The following RPTOR variants were observed in gnomAD, a reference collection of about 807,000 sequenced individuals.
RPTOR encodes the protein regulatory associated protein of MTOR complex 1.
Under a neutral mutation model 169.9 loss-of-function variants are expected in RPTOR, and 21 were observed. That is an observed-to-expected ratio of 0.12 (90% confidence interval 0.09 to 0.18). RPTOR has a LOEUF of 0.18. Among genes scored for constraint, RPTOR ranks in the 10% least tolerant of loss-of-function variants. The probability of loss-of-function intolerance (pLI) is 1.00; values close to 1 mark genes in which losing one functional copy is unlikely to be tolerated. For missense variants in RPTOR, 1,133 were observed against 1,855.9 expected (o/e 0.61, Z 7.16); for synonymous variants, 732 against 753.2 (o/e 0.97, Z 0.46).
At chr17:80,945,328 C>T (rs982981263) in intron 25 of RPTOR, among the ~76,000 whole-genome samples, 1 of 151,098 alleles carries the variant, frequency 6.6e-6, no homozygotes, top group South Asian at 2.1e-4. Context: ...CGCGGTGGCT[C>T]ACGCCTGTAA....
At chr17:80,842,871 G>A (rs532306699) in intron 10 of RPTOR, among the ~76,000 whole-genome samples, 164 of 152,280 alleles carry the variant, frequency 1.1e-3, no homozygotes, top group African/African-American at 3.6e-3. Flanking sequence ...ACTGAGGACC[G>A]TGTCCGCGTG....
intron 3 of RPTOR, among the ~76,000 whole-genome samples, chr17:80,705,785 C>T (rs1479008707): frequency 6.6e-6 from 1 of 152,164 alleles, no homozygotes; most frequent in Admixed American, 6.5e-5. Context: ...GTCCTTCCAC[C>T]GTGGCCTCCG....
Position 80,631,204 on chromosome 17 carries a change from G to A in RPTOR, c.265+5411G>A, listed in dbSNP as rs559826556. ...GTCTGTACCTCCTCCCACTCCCCAG[G>A]TACAGGAATGTGTGCCTGTTCTTGT... On this transcript the variant is annotated intron_variant, in intron 2 of 33. Coordinates refer to ENST00000306801, the MANE Select transcript of RPTOR (RefSeq NM_020761.3). 2.0e-5 allele frequency among the ~76,000 whole-genome samples: 3 copies of A among 152,196 alleles called. No individual in the cohort carries two copies. The South Asian group carries it at 6.2e-4, about 32-fold the overall frequency.
chr17:80,819,212 G>T (rs2067354756), intron 7 of RPTOR, among the ~76,000 whole-genome samples: 1 of 152,182 alleles, frequency 6.6e-6, no homozygotes, highest in African/African-American at 2.4e-5. Context: ...AGGAGCCAGG[G>T]TTTTGGCAGT....
chr17:80,684,602 A>G (rs1256005915), intron 3 of RPTOR, among the ~76,000 whole-genome samples: 2 of 151,088 alleles, frequency 1.3e-5, no homozygotes, highest in African/African-American at 2.4e-5. Flanking sequence ...CCACCACCAC[A>G]CCCGGCTAAT....
chr17:80,900,222 G>A lies in RPTOR; in HGVS notation c.2401+6357G>A, dbSNP rs563075324. 6.6e-5 allele frequency among the ~76,000 whole-genome samples: 10 copies of A among 152,098 alleles called. No homozygotes were observed. The East Asian group carries it at 1.5e-3, about 24-fold the overall frequency. ...GGGCATCTGTGGCCGTCTCCTCCCCGCCTCGCAGCCACCTGAGCCAGCAGC... is the reference window on the plus strand; with the variant it reads ...GGGCATCTGTGGCCGTCTCCTCCCCACCTCGCAGCCACCTGAGCCAGCAGC... On this transcript the variant is annotated intron_variant, in intron 20 of 33. Transcript: ENST00000306801.
chr17:80,893,327 C>T (rs548686393), intron 19 of RPTOR, among the ~76,000 whole-genome samples: 8 of 124,878 alleles, frequency 6.4e-5, no homozygotes, highest in African/African-American at 1.4e-4. Context: ...TGTGTGCGCG[C>T]GCCAGGTGTG....
chr17:80,656,341 T>TACAG (rs796289595), intron 3 of RPTOR, among the ~76,000 whole-genome samples: 18 of 152,340 alleles, frequency 1.2e-4, no homozygotes, highest in African/African-American at 4.3e-4. Context: ...GTGCTGGGAT[T>TACAG]ACAGGTGTGA....
chr17:80,615,603 C>G (rs924702929), intron 1 of RPTOR, among the ~76,000 whole-genome samples: 1 of 152,116 alleles, frequency 6.6e-6, no homozygotes, highest in African/African-American at 2.4e-5. Context: ...TCACCCATGC[C>G]TTTCATCTCT....
chr17:80,649,225 G>T (rs933069027), intron 3 of RPTOR, among the ~76,000 whole-genome samples: 1 of 152,192 alleles, frequency 6.6e-6, no homozygotes, highest in Non-Finnish European at 1.5e-5. Flanking sequence ...TCATGGAACA[G>T]CCCAAGGTGG....
intron 7 of RPTOR, among the ~76,000 whole-genome samples, chr17:80,819,023 C>T (rs1237585155): frequency 2.0e-5 from 3 of 152,150 alleles, no homozygotes; most frequent in Non-Finnish European, 2.9e-5. Context: ...CGTGGGCTCA[C>T]GTTAGGGATG....
intron 9 of RPTOR, among the ~76,000 whole-genome samples, chr17:80,826,301 C>T (rs2067442381): frequency 6.6e-6 from 1 of 152,234 alleles, no homozygotes; most frequent in Non-Finnish European, 1.5e-5. Context: ...AAGCGCAGTG[C>T]AGAGGAGCTC....
intron 4 of RPTOR, among the ~76,000 whole-genome samples, chr17:80,716,443 GT>G (rs2066240282): frequency 6.6e-6 from 1 of 151,994 alleles, no homozygotes; most frequent in Non-Finnish European, 1.5e-5. Flanking sequence ...ATTTGTTTGA[GT>G]TTGTTGTAGA....
At chr17:80,942,299 A>G (rs1409652036) in intron 25 of RPTOR, among the ~76,000 whole-genome samples, 1 of 151,384 alleles carries the variant, frequency 6.6e-6, no homozygotes, top group African/African-American at 2.4e-5. Context: ...ACATCTGAAG[A>G]TGAGCTGGCC....
Position 80,708,005 on chromosome 17 carries a change from T to A in RPTOR, c.507+6T>A. On this transcript the variant is annotated splice_donor_region_variant and intron_variant, in intron 4 of 33. Coordinates refer to ENST00000306801, the MANE Select transcript of RPTOR (RefSeq NM_020761.3). This position sits in a 1 kb window ranked among gnomAD's most constrained non-coding sequence, Gnocchi z 4.2. Reference sequence around the variant, plus strand: ...AGGTCTGGGTCTTCAACAAGGTGGGTGTGCCTTCCAGCTTCCTTCCCGTTT... The same window carrying A: ...AGGTCTGGGTCTTCAACAAGGTGGGAGTGCCTTCCAGCTTCCTTCCCGTTT... 6.2e-7 allele frequency: 1 copy of A among 1,610,064 alleles called. No individual in the cohort carries two copies. The highest frequency in any genetic ancestry group is 8.5e-7 in the Non-Finnish European group (1 of 1,178,182).
chr17:80,714,619 A>G (rs563371350), intron 4 of RPTOR, among the ~76,000 whole-genome samples: 1 of 152,370 alleles, frequency 6.6e-6, no homozygotes, highest in South Asian at 2.1e-4. Flanking sequence ...AGATAATGAA[A>G]CTATGACACC....
intron 1 of RPTOR, among the ~76,000 whole-genome samples, chr17:80,596,985 G>C (rs1276588698): frequency 6.6e-6 from 1 of 152,218 alleles, no homozygotes; most frequent in Non-Finnish European, 1.5e-5. Flanking sequence ...AGCAGGTGTT[G>C]ATTGTGTGCT....
chr17:80,635,983 A>C (rs780117211), intron 2 of RPTOR, among the ~76,000 whole-genome samples: 1 of 152,108 alleles, frequency 6.6e-6, no homozygotes, highest in Admixed American at 6.5e-5. Flanking sequence ...ACTTACAAAC[A>C]TGTTACCGTT....
intron 19 of RPTOR, among the ~76,000 whole-genome samples, chr17:80,893,237 G>A (rs552641838): frequency 4.6e-5 from 7 of 151,624 alleles, no homozygotes; most frequent in South Asian, 2.1e-4. Flanking sequence ...TGTGTGCGCC[G>A]GGGCGTGTGT....
Sources: gnomAD v4.1 joint callset for allele counts (sites outside exome capture counted in the v4.1 genomes callset) on GRCh38, gnomAD v4.1.1 for gene constraint, Gnocchi (gnomAD v3.1) non-coding constraint, MANE v1.5 for transcripts, NCBI Gene and HGNC (gene_info 2026-07-23, HGNC 2026-07-21) for gene names.